Variants in TGM6 observed in about 807,000 individuals in gnomAD.
TGM6 encodes the protein protein-glutamine gamma-glutamyltransferase 6.
In TGM6, 74 loss-of-function variants were observed where a neutral mutation model predicts 77.5. The ratio of observed to expected loss-of-function variants is 0.96; its 90% confidence interval spans 0.79 to 1.16. The LOEUF is 1.16. TGM6 is among the 50% of genes most tolerant of loss of function. TGM6 has a pLI of 0.00. For missense variants in TGM6, 968 were observed against 940.2 expected, an observed-to-expected ratio of 1.03 and a Z score of -0.39; for synonymous variants, 383 against 378.9, an observed-to-expected ratio of 1.01 and a Z score of -0.12.
intron 4 of TGM6, among the ~76,000 whole-genome samples, chr20:2,397,198 G>T (rs998302387): frequency 6.6e-6 from 1 of 152,246 alleles, no homozygotes; most frequent in Non-Finnish European, 1.5e-5. Context: ...TGATATTGTA[G>T]TTGGGTCTCT....
chr20:2,407,968 A>G (rs1462682560), intron 9 of TGM6, among the ~76,000 whole-genome samples: 12 of 152,220 alleles, frequency 7.9e-5, no homozygotes, highest in Admixed American at 6.5e-4. Flanking sequence ...CCAGAGGCTA[A>G]AGGAACAAAG....
Position 2,417,281 on chromosome 20 carries a change from C to T in TGM6, c.1386C>T (p.Phe462=), listed in dbSNP as rs1263759704. The change falls in exon 10 of 13, where the codon TTC becomes TTT. Residue 462 remains phenylalanine, a synonymous_variant. Coordinates refer to ENST00000202625, the MANE Select transcript of TGM6 (RefSeq NM_198994.3). ...QVYSKAVNRL[F]GVEASGRRIW... is the part of the protein sequence containing the mutation. ...ACAGCAAGGCGGTGAACAGGCTGTTCGGCGTGGAAGCCTCTGGAAGGAGAA... is the reference window on the plus strand; with the variant it reads ...ACAGCAAGGCGGTGAACAGGCTGTTTGGCGTGGAAGCCTCTGGAAGGAGAA... The T allele has an allele frequency of 5.0e-6, 8 of 1,610,752 alleles. No homozygotes were observed. The highest frequency in any genetic ancestry group is 1.1e-5 in the South Asian group (1 of 90,430).
At chr20:2,386,795 G>T (rs1051951350) in intron 1 of TGM6, among the ~76,000 whole-genome samples, 1 of 152,008 alleles carries the variant, frequency 6.6e-6, no homozygotes, top group South Asian at 2.1e-4. Context: ...AGCTGCTTTG[G>T]GCTGTGGCAG....
chr20:2,394,584 C>G lies in TGM6; in HGVS notation c.140C>G (p.Ala47Gly). 1.2e-6 allele frequency: 2 copies of G among 1,612,248 alleles called. No individual in the cohort carries two copies. ...SFSLTLELSRALDCEEILIFT... is the reference protein window; with the variant it reads ...SFSLTLELSRGLDCEEILIFT... Reference sequence around the variant, plus strand: ...AGCCTCACGCTGGAGCTGAGCAGAGCCCTGGACTGTGAGGAGATCCTCATC... The same window carrying G: ...AGCCTCACGCTGGAGCTGAGCAGAGGCCTGGACTGTGAGGAGATCCTCATC... The change falls in exon 2 of 13, where the codon GCC becomes GGC. Residue 47 changes from alanine to glycine, a missense_variant. Transcript: ENST00000202625.
chr20:2,385,710 G>C (rs1599942172), intron 1 of TGM6, among the ~76,000 whole-genome samples: 1 of 152,200 alleles, frequency 6.6e-6, no homozygotes, highest in South Asian at 2.1e-4. Context: ...CAGCTGACAG[G>C]GTGTGGGTGC....
chr20:2,399,418 AT>A (rs2084689790), intron 5 of TGM6, 142 bp from the exon 6 acceptor site: 8 of 1,036,744 alleles, frequency 7.7e-6, no homozygotes, highest in Non-Finnish European at 1.2e-5. Context: ...AAGGCAACAG[AT>A]GCCCCTAATT....
At position 2,395,436 on chromosome 20, in the gene TGM6, G is replaced by C; in HGVS notation, c.424G>C (p.Glu142Gln). 6.2e-7 allele frequency: 1 copy of C among 1,614,248 alleles called. No individual in the cohort carries two copies. The highest frequency in any genetic ancestry group is 8.5e-7 in the Non-Finnish European group (1 of 1,180,038). Reference sequence around the variant, plus strand: ...TCTCCTTTTCAACCCATGGTGTGCAGGTAGGAGTGGCCAAGTCCAATGCAG... The same window carrying C: ...TCTCCTTTTCAACCCATGGTGTGCACGTAGGAGTGGCCAAGTCCAATGCAG... ...FVLLFNPWCA[E>Q]DDVFLASEEE... The change falls in exon 3 of 13, where the codon GAG becomes CAG. Residue 142 changes from glutamate (E) to glutamine (Q), a missense_variant and splice_region_variant. Glu to Gln is a conservative substitution (Grantham distance 29, BLOSUM62 2). Coordinates refer to ENST00000202625, the MANE Select transcript of TGM6 (RefSeq NM_198994.3).
chr20:2,399,596 A>C lies in TGM6; in HGVS notation c.708A>C (p.Gly236=). The change falls in exon 6 of 13, where the codon GGA becomes GGC. Residue 236 remains glycine, a synonymous_variant. Transcript: ENST00000202625. ...ACAACGACCGAGGTGTGGTGCAAGGACAGTGGCAGGGCAAGTACGGCGGCG... is the reference window on the plus strand; with the variant it reads ...ACAACGACCGAGGTGTGGTGCAAGGCCAGTGGCAGGGCAAGTACGGCGGCG... ...NSNNDRGVVQ[G]QWQGKYGGGT... 6.2e-7 allele frequency: 1 copy of C among 1,613,464 alleles called. No individual in the cohort carries two copies. Among genetic ancestry groups the C allele is most frequent in the Non-Finnish European group, 8.5e-7 (1 of 1,179,974 alleles).
intron 7 of TGM6, among the ~76,000 whole-genome samples, chr20:2,402,507 T>G (rs549460845): frequency 1.3e-5 from 2 of 152,202 alleles, no homozygotes; most frequent in Non-Finnish European, 2.9e-5. Context: ...ACACTTCATT[T>G]TGATGTTGGG....
intron 5 of TGM6, among the ~76,000 whole-genome samples, chr20:2,398,605 G>A (rs2084685065): frequency 6.6e-6 from 1 of 151,646 alleles, no homozygotes; most frequent in Non-Finnish European, 1.5e-5. Flanking sequence ...CCAAGAAAGA[G>A]GAAGTGGAAG....
rs769269593 is a variant in TGM6, at chr20:2,396,496, T to C, written c.425-10T>C. ...CCCAGTCCACACCGGGCCTGATGACTGCTTTTCAGAGGACGATGTGTTTCT... is the reference window on the plus strand; with the variant it reads ...CCCAGTCCACACCGGGCCTGATGACCGCTTTTCAGAGGACGATGTGTTTCT... On this transcript the variant is annotated splice_polypyrimidine_tract_variant and intron_variant, in intron 3 of 12. Coordinates refer to ENST00000202625, the MANE Select transcript of TGM6 (RefSeq NM_198994.3). 2.5e-6 allele frequency: 4 copies of C among 1,613,998 alleles called. No homozygotes were observed. The highest frequency in any genetic ancestry group is 1.1e-5 in the South Asian group (1 of 91,078).
chr20:2,425,010 A>C (rs1349794417), intron 10 of TGM6, among the ~76,000 whole-genome samples: 1 of 152,174 alleles, frequency 6.6e-6, no homozygotes, highest in African/African-American at 2.4e-5. Context: ...TTGTGGTGCT[A>C]ACAAACAGTT....
At chr20:2,386,632 T>C (rs554118708) in intron 1 of TGM6, among the ~76,000 whole-genome samples, 2 of 152,186 alleles carry the variant, frequency 1.3e-5, no homozygotes, top group African/African-American at 4.8e-5. Flanking sequence ...CCACCAAGAA[T>C]TCGGCCAAGG....
chr20:2,381,794 C>A (rs118131119), intron 1 of TGM6, among the ~76,000 whole-genome samples: 3 of 152,198 alleles, frequency 2.0e-5, no homozygotes, highest in East Asian at 3.9e-4. Flanking sequence ...GGGGAACACC[C>A]AAAGTCCCAG....
chr20:2,384,211 C>T (rs780193697), intron 1 of TGM6, among the ~76,000 whole-genome samples: 239 of 152,174 alleles, frequency 1.6e-3, no homozygotes, highest in Non-Finnish European at 2.2e-3. Context: ...CTGGTGGAAG[C>T]CCATTGCCCT....
chr20:2,426,662 G>A lies in TGM6; in HGVS notation c.1679-3784G>A, dbSNP rs532248931. Reference sequence around the variant, plus strand: ...TGTTTGCTGTAGGTTTTTTGTAGATGTTCTTTATCAAGTTGAGTAAATTCC... The same window carrying A: ...TGTTTGCTGTAGGTTTTTTGTAGATATTCTTTATCAAGTTGAGTAAATTCC... On this transcript the variant is annotated intron_variant, in intron 10 of 12. Coordinates refer to ENST00000202625, the MANE Select transcript of TGM6 (RefSeq NM_198994.3). Among the ~76,000 whole-genome samples, 90 of 152,260 alleles carry A rather than the reference G, an allele frequency of 5.9e-4. 1 individual carries two copies. The highest frequency in any genetic ancestry group is 2.8e-3 in the Admixed American group (43 of 15,292).
chr20:2,389,815 G>A (rs6113984), intron 1 of TGM6, among the ~76,000 whole-genome samples: 1,941 of 152,246 alleles, frequency 0.013, 36 homozygotes, highest in African/African-American at 0.045. Context: ...CCATAATCAT[G>A]AGTGAACACA....
intron 10 of TGM6, among the ~76,000 whole-genome samples, chr20:2,429,655 G>A (rs111847767): frequency 0.13 from 19,915 of 151,842 alleles, 1,628 homozygotes; most frequent in African/African-American, 0.22. Flanking sequence ...TGTAGTCCCA[G>A]CTACTCAAGA....
At chr20:2,400,478 C>G (rs200776053) in intron 7 of TGM6, 34 bp downstream of exon 7, 11 of 1,613,614 alleles carry the variant, frequency 6.8e-6, no homozygotes, top group African/African-American at 4.0e-5. Flanking sequence ...CCCGAGGGCT[C>G]TGGAAGCCCA....
Sources: gnomAD v4.1 joint callset for allele counts (sites outside exome capture counted in the v4.1 genomes callset) on GRCh38, gnomAD v4.1.1 for gene constraint, MANE v1.5 for transcripts, NCBI Gene and HGNC (gene_info 2026-07-23, HGNC 2026-07-21) for gene names.